SPMIP7: variants seen among roughly 807,000 people sequenced by gnomAD.
SPMIP7 encodes sperm microtubule inner protein 7.
chr7:50,157,121 C>T, the SPMIP7 span, among the ~76,000 whole-genome samples: 2 of 152,136 alleles, frequency 1.3e-5, no homozygotes, highest in East Asian at 3.8e-4. Flanking sequence ...TCTCTGTAAT[C>T]GAGAAAACTG....
chr7:50,105,306 A>G, the SPMIP7 span, among the ~76,000 whole-genome samples: 7 of 152,308 alleles, frequency 4.6e-5, no homozygotes, highest in African/African-American at 1.2e-4. Context: ...CCATCACCAC[A>G]ATCTAATTTT....
At chr7:50,122,433 T>A in the SPMIP7 span, among the ~76,000 whole-genome samples, 1 of 150,418 alleles carries the variant, frequency 6.6e-6, no homozygotes, top group Non-Finnish European at 1.5e-5. Context: ...GATTAAAGAC[T>A]TAAACGTTAG....
chr7:50,151,588 C>A, the SPMIP7 span: 1 of 1,430,750 alleles, frequency 7.0e-7, no homozygotes, highest in South Asian at 1.3e-5. Context: ...TCAATTTGCT[C>A]AGATACATTA....
the SPMIP7 span, among the ~76,000 whole-genome samples, chr7:50,155,876 T>TC: frequency 0.026 from 31 of 1,192 alleles, no homozygotes; most frequent in Non-Finnish European, 0.077. Context: ...ATCCATGGCC[T>TC]GAGTGGGACC....
the SPMIP7 span, among the ~76,000 whole-genome samples, chr7:50,105,377 A>T: frequency 6.6e-6 from 1 of 152,232 alleles, no homozygotes. Flanking sequence ...AATACATTGT[A>T]AAGAATCAAT....
At chr7:50,135,496 C>T in the SPMIP7 span, among the ~76,000 whole-genome samples, 1 of 152,144 alleles carries the variant, frequency 6.6e-6, no homozygotes, top group South Asian at 2.1e-4. Context: ...AGAGGAAAAA[C>T]ATGTCTTTAA....
the SPMIP7 span, among the ~76,000 whole-genome samples, chr7:50,126,747 C>T: frequency 6.6e-6 from 1 of 151,888 alleles, no homozygotes; most frequent in Admixed American, 6.6e-5. Flanking sequence ...TGTAATTTAA[C>T]ATACTAATGG....
At chr7:50,139,670 A>G in the SPMIP7 span, among the ~76,000 whole-genome samples, 6 of 152,232 alleles carry the variant, frequency 3.9e-5, no homozygotes, top group Non-Finnish European at 8.8e-5. Flanking sequence ...TCTTCAGCAT[A>G]CTATTCACAG....
chr7:50,100,927 A>G, the SPMIP7 span, among the ~76,000 whole-genome samples: 15 of 152,088 alleles, frequency 9.9e-5, no homozygotes, highest in Middle Eastern at 3.4e-3. Context: ...GTTTTGTGGC[A>G]TCATGTTTAA....
chr7:50,124,340 A>G, the SPMIP7 span, among the ~76,000 whole-genome samples: 56 of 152,184 alleles, frequency 3.7e-4, 1 homozygote, highest in Non-Finnish European at 1.2e-4. Flanking sequence ...ACTAGACAAA[A>G]CAACTAATAA....
At chr7:50,111,251 A>G in the SPMIP7 span, among the ~76,000 whole-genome samples, 1 of 151,948 alleles carries the variant, frequency 6.6e-6, no homozygotes, top group Non-Finnish European at 1.5e-5. Flanking sequence ...GGCAAAAGAA[A>G]GAAAAGAGCT....
chr7:50,131,012 G>A, the SPMIP7 span, among the ~76,000 whole-genome samples: 2 of 152,126 alleles, frequency 1.3e-5, no homozygotes, highest in Non-Finnish European at 2.9e-5. Context: ...TGAGTGACAT[G>A]AGGCTTTAGC....
At chr7:50,101,208 A>G in the SPMIP7 span, among the ~76,000 whole-genome samples, 126,236 of 152,214 alleles carry the variant, frequency 0.83, 52,393 homozygotes, top group East Asian at 0.88. Context: ...AGTAAGCATC[A>G]TGCAAATGGA....
At chr7:50,127,617 C>CTATATATATATATA in the SPMIP7 span, among the ~76,000 whole-genome samples, 5,150 of 142,220 alleles carry the variant, frequency 0.036, 135 homozygotes, top group East Asian at 0.083. Context: ...ATATCTTTTT[C>CTATATATATATATA]TATATATATA....
chr7:50,129,527 C>A, the SPMIP7 span, among the ~76,000 whole-genome samples: 484 of 151,770 alleles, frequency 3.2e-3, 1 homozygote, highest in African/African-American at 0.011. Context: ...ATGATTATGA[C>A]AATAAAACAA....
At chr7:50,125,115 T>TATATATATAC in the SPMIP7 span, among the ~76,000 whole-genome samples, 1 of 25,416 alleles carries the variant, frequency 3.9e-5, no homozygotes, top group South Asian at 1.1e-3. Flanking sequence ...TATATATATA[T>TATATATATAC]ACACACACAC....
the SPMIP7 span, among the ~76,000 whole-genome samples, chr7:50,102,738 C>A: frequency 6.6e-6 from 1 of 152,036 alleles, no homozygotes; most frequent in Non-Finnish European, 1.5e-5. Context: ...AGTATTACTA[C>A]ATTAGTACTA....
the SPMIP7 span, chr7:50,129,784 C>G: frequency 7.8e-6 from 12 of 1,545,524 alleles, no homozygotes; most frequent in Non-Finnish European, 8.7e-7. Context: ...TACAAGTCCT[C>G]TACACAAAAG....
the SPMIP7 span, among the ~76,000 whole-genome samples, chr7:50,101,124 A>G: frequency 6.6e-6 from 1 of 152,226 alleles, no homozygotes; most frequent in African/African-American, 2.4e-5. Flanking sequence ...TGCCACTCTT[A>G]CTGATAAACT....
Sources: gnomAD v4.1 joint callset for allele counts (sites outside exome capture counted in the v4.1 genomes callset) on GRCh38, gnomAD v4.1.1 for gene constraint, MANE v1.5 for transcripts, NCBI Gene and HGNC (gene_info 2026-07-23, HGNC 2026-07-21) for gene names.